DOCK3: variants seen among roughly 807,000 people sequenced by gnomAD.
DOCK3 encodes dedicator of cytokinesis 3.
DOCK3 carries 60 observed loss-of-function variants against 265.6 expected under a neutral mutation model. The observed-to-expected ratio is 0.23, with a 90% CI of 0.18 to 0.28. The LOEUF is 0.28. Among genes scored for constraint, DOCK3 ranks in the 10% least tolerant of loss-of-function variants. The pLI is 1.00. For synonymous variants in DOCK3, 881 were observed against 938.0 expected, an observed-to-expected ratio of 0.94 and a Z score of 1.11; for missense variants, 1,981 against 2,594.3, an observed-to-expected ratio of 0.76 and a Z score of 5.14.
intron 1 of DOCK3, among the ~76,000 whole-genome samples, chr3:50,689,242 G>A (rs140230282): frequency 1.2e-3 from 188 of 152,220 alleles, no homozygotes; most frequent in African/African-American, 3.5e-3. Context: ...GCTTCACCTC[G>A]GATCATCAGT....
At chr3:50,744,620 A>G (rs1298206311) in intron 1 of DOCK3, among the ~76,000 whole-genome samples, 3 of 152,046 alleles carry the variant, frequency 2.0e-5, no homozygotes, top group Non-Finnish European at 4.4e-5. Context: ...TTTTTTGTAG[A>G]AACAGGGTTT....
intron 1 of DOCK3, among the ~76,000 whole-genome samples, chr3:50,719,177 A>T (rs768100886): frequency 6.6e-6 from 1 of 151,350 alleles, no homozygotes; most frequent in Non-Finnish European, 1.5e-5. Context: ...TTAGGACTCT[A>T]GTAGTAAGTT....
intron 5 of DOCK3, among the ~76,000 whole-genome samples, chr3:50,951,312 C>G (rs1256855816): frequency 3.3e-5 from 5 of 152,072 alleles, no homozygotes; most frequent in Non-Finnish European, 7.4e-5. Context: ...TTGGGTTATC[C>G]TTTTTGCCTC....
At position 51,287,561 on chromosome 3, in the gene DOCK3, ATTAAAATTAAAAAATTAAAAGT is replaced by A. The variant is rs2081475592; in HGVS notation, c.2922+7358_2922+7379del. On this transcript the variant is annotated intron_variant, in intron 27 of 52. Transcript: ENST00000266037. Reference sequence around the variant, plus strand: ...AAGACCCTGTCTCAAAATAGTAAAAATTAAAATTAAAAAATTAAAAGTCAAGTCTCAAAATAGTAAAAATTAA... The same window carrying A: ...AAGACCCTGTCTCAAAATAGTAAAAACAAGTCTCAAAATAGTAAAAATTAA... Among the ~76,000 whole-genome samples the A allele has an allele frequency of 2.6e-5, 4 of 152,162 alleles. No homozygotes were observed. The South Asian group carries it at 8.3e-4, about 31-fold the overall frequency.
At chr3:51,375,629 C>T in intron 50 of DOCK3, 119 bp from the exon 51 acceptor site, 1 of 1,104,578 alleles carries the variant, frequency 9.1e-7, no homozygotes. Context: ...TGAGCTGTGC[C>T]ACTGCTTTGT....
chr3:51,249,342 C>T (rs1235575814), intron 22 of DOCK3, among the ~76,000 whole-genome samples: 1 of 145,932 alleles, frequency 6.9e-6, no homozygotes, highest in Non-Finnish European at 1.5e-5. Flanking sequence ...GTTCAGGCCC[C>T]GCCCGGCCAG....
At chr3:51,291,685 A>T (rs558949659) in intron 27 of DOCK3, among the ~76,000 whole-genome samples, 2 of 152,314 alleles carry the variant, frequency 1.3e-5, no homozygotes, top group African/African-American at 4.8e-5. Context: ...ACAAACTAAT[A>T]ATAATCCTTC....
chr3:51,287,709 A>G (rs2081487490), intron 27 of DOCK3, among the ~76,000 whole-genome samples: 1 of 152,250 alleles, frequency 6.6e-6, no homozygotes, highest in Non-Finnish European at 1.5e-5. Flanking sequence ...TAGTCCAGCC[A>G]TTATGGAAAG....
intron 22 of DOCK3, among the ~76,000 whole-genome samples, chr3:51,249,090 G>A (rs1224037767): frequency 6.6e-6 from 1 of 151,268 alleles, no homozygotes; most frequent in Non-Finnish European, 1.5e-5. Flanking sequence ...CACCCCGTCC[G>A]GGAGGGAGGT....
At chr3:50,742,308 C>A (rs937917088) in intron 1 of DOCK3, among the ~76,000 whole-genome samples, 2 of 152,098 alleles carry the variant, frequency 1.3e-5, no homozygotes, top group Admixed American at 1.3e-4. Context: ...TCCAAAGGAA[C>A]GCAGCTCCTC....
At chr3:51,289,073 A>T (rs9832074) in intron 27 of DOCK3, among the ~76,000 whole-genome samples, 127,804 of 152,058 alleles carry the variant, frequency 0.84, 54,348 homozygotes, top group Middle Eastern at 0.9. Flanking sequence ...TAGGTTATTT[A>T]AAAAAAGAAC....
Position 51,354,983 on chromosome 3 carries a change from C to T in DOCK3, c.4209C>T (p.Pro1403=). ...CGCAGGCTGTCGCCATGCAGCACCCCAACCATCCTGATGACGCCATCCTAC... is the reference window on the plus strand; with the variant it reads ...CGCAGGCTGTCGCCATGCAGCACCCTAACCATCCTGATGACGCCATCCTAC... ...EFPQAVAMQH[P]NHPDDAILQC... The change falls in exon 41 of 53, where the codon CCC becomes CCT. Residue 1403 remains proline (P), a synonymous_variant. Coordinates refer to ENST00000266037, the MANE Select transcript of DOCK3 (RefSeq NM_004947.5). The T allele has an allele frequency of 6.2e-7, 1 of 1,613,942 alleles. No individual in the cohort carries two copies. The highest frequency in any genetic ancestry group is 8.5e-7 in the Non-Finnish European group (1 of 1,179,860).
chr3:50,854,844 G>A (rs2046514074), intron 3 of DOCK3, among the ~76,000 whole-genome samples: 1 of 151,924 alleles, frequency 6.6e-6, no homozygotes, highest in Non-Finnish European at 1.5e-5. Context: ...TCATTCTTCT[G>A]CATAGGGCTA....
At chr3:50,706,806 GA>G (rs1263541647) in intron 1 of DOCK3, among the ~76,000 whole-genome samples, 1 of 149,962 alleles carries the variant, frequency 6.7e-6, no homozygotes, top group Non-Finnish European at 1.5e-5. Flanking sequence ...TTTTTGATCT[GA>G]CTTGGTTATT....
chr3:51,084,556 G>T (rs938815335), intron 7 of DOCK3, among the ~76,000 whole-genome samples: 3 of 152,090 alleles, frequency 2.0e-5, no homozygotes, highest in Non-Finnish European at 4.4e-5. Context: ...AAAACTGAGG[G>T]AATTCATCAC....
chr3:51,157,074 A>C (rs948208612), intron 10 of DOCK3, among the ~76,000 whole-genome samples: 6 of 152,184 alleles, frequency 3.9e-5, no homozygotes, highest in Admixed American at 2.0e-4. Flanking sequence ...GAATTAGTGA[A>C]ATGGGGCCTG....
intron 5 of DOCK3, among the ~76,000 whole-genome samples, chr3:50,943,767 T>C (rs529208966): frequency 9.3e-4 from 142 of 152,266 alleles, no homozygotes; most frequent in African/African-American, 3.3e-3. Context: ...GTTTACCTTT[T>C]ATCACATTAT....
intron 2 of DOCK3, among the ~76,000 whole-genome samples, chr3:50,803,398 C>T (rs1380659203): frequency 6.6e-6 from 1 of 152,140 alleles, no homozygotes; most frequent in Non-Finnish European, 1.5e-5. Flanking sequence ...GGGGTAAGGC[C>T]ATAGATTAAC....
intron 1 of DOCK3, among the ~76,000 whole-genome samples, chr3:50,699,709 G>C (rs2035909555): frequency 6.6e-6 from 1 of 152,102 alleles, no homozygotes; most frequent in Admixed American, 6.5e-5. Flanking sequence ...AGGGGACAAG[G>C]TTCTTTTACT....
Sources: allele counts gnomAD v4.1 joint callset (sites outside exome capture counted in the v4.1 genomes callset), GRCh38; gene constraint gnomAD v4.1.1; transcripts MANE v1.5; gene names NCBI Gene and HGNC (gene_info 2026-07-23, HGNC 2026-07-21).